CELF4: variants seen among roughly 807,000 people sequenced by gnomAD.
The protein encoded by CELF4 is CUG-BP- and ETR-3-like factor 4.
CELF4 carries 18 observed loss-of-function variants against 59.9 expected under a neutral mutation model. The observed-to-expected ratio is 0.30, with a 90% CI of 0.21 to 0.45. The LOEUF (loss-of-function observed/expected upper bound fraction) is 0.45, where lower values mean the gene tolerates loss of function less well. CELF4 is among the 20% of genes least tolerant of loss of function. The pLI, the probability that CELF4 is intolerant of heterozygous loss-of-function variation, is 1.00. For synonymous variants in CELF4, 261 were observed against 267.1 expected, an observed-to-expected ratio of 0.98 and a Z score of 0.22; for missense variants, 456 against 689.0, an observed-to-expected ratio of 0.66 and a Z score of 3.79.
intron 1 of CELF4, among the ~76,000 whole-genome samples, chr18:37,553,047 C>T (rs761969066): frequency 1.3e-5 from 2 of 152,266 alleles, no homozygotes; most frequent in Non-Finnish European, 2.9e-5. Context: ...TCCCAGGCTT[C>T]GCCGTTTGTT....
intron 2 of CELF4, among the ~76,000 whole-genome samples, chr18:37,466,678 C>A (rs1361103275): frequency 2.0e-5 from 3 of 152,240 alleles, no homozygotes; most frequent in Admixed American, 2.0e-4. Context: ...TAAGTAGGAC[C>A]CAGTCCCTGC....
chr18:37,306,069 A>T (rs564901901), intron 3 of CELF4: 1 of 152,404 alleles, frequency 6.6e-6, no homozygotes, highest in South Asian at 2.1e-4. Context: ...GGGAAGAGGC[A>T]TCAAAGCTCG....
intron 3 of CELF4, among the ~76,000 whole-genome samples, chr18:37,278,361 G>C (rs1466497135): frequency 2.6e-5 from 4 of 152,184 alleles, no homozygotes; most frequent in Non-Finnish European, 4.4e-5. Flanking sequence ...TCTGCTTCTA[G>C]GATCCTCAAA....
At chr18:37,435,968 G>A (rs541184485) in intron 2 of CELF4, among the ~76,000 whole-genome samples, 1 of 152,222 alleles carries the variant, frequency 6.6e-6, no homozygotes, top group South Asian at 2.1e-4. Context: ...CAGGTGGTGG[G>A]CACTCCAGGA....
At chr18:37,310,957 A>G (rs944489893) in intron 3 of CELF4, among the ~76,000 whole-genome samples, 1 of 152,192 alleles carries the variant, frequency 6.6e-6, no homozygotes, top group Non-Finnish European at 1.5e-5. Flanking sequence ...GGACACGAGA[A>G]GGCCGTGGTG....
intron 1 of CELF4, among the ~76,000 whole-genome samples, chr18:37,542,165 C>T (rs528355067): frequency 7.1e-4 from 108 of 152,156 alleles, no homozygotes; most frequent in East Asian, 1.2e-3. Context: ...CTCTTGTGTA[C>T]GAATTGCAAG....
chr18:37,304,597 G>A (rs2096278262), intron 3 of CELF4, among the ~76,000 whole-genome samples: 1 of 152,250 alleles, frequency 6.6e-6, no homozygotes, highest in South Asian at 2.1e-4. Context: ...TCAAGCCTTG[G>A]CCACTGCCAG....
intron 2 of CELF4, among the ~76,000 whole-genome samples, chr18:37,464,556 T>C (rs2099802685): frequency 6.6e-6 from 1 of 152,202 alleles, no homozygotes; most frequent in Non-Finnish European, 1.5e-5. Flanking sequence ...GACTCAGGAC[T>C]CTGCCTGGGG....
intron 2 of CELF4, among the ~76,000 whole-genome samples, chr18:37,333,900 C>G (rs568250295): frequency 3.3e-5 from 5 of 152,094 alleles, no homozygotes; most frequent in African/African-American, 7.2e-5. Flanking sequence ...ACATGAGTGT[C>G]TCTTCCCTGA....
intron 2 of CELF4, among the ~76,000 whole-genome samples, chr18:37,438,928 C>A (rs1488817701): frequency 6.6e-6 from 1 of 152,076 alleles, no homozygotes; most frequent in East Asian, 1.9e-4. Flanking sequence ...ACCAGATATT[C>A]AGAAAGATGG....
intron 3 of CELF4, among the ~76,000 whole-genome samples, chr18:37,287,420 A>T (rs908046400): frequency 2.6e-5 from 4 of 152,092 alleles, no homozygotes; most frequent in Non-Finnish European, 5.9e-5. Context: ...CATCCTTCCC[A>T]TTGCTCAGGA....
chr18:37,277,857 C>T (rs551743105), intron 3 of CELF4, among the ~76,000 whole-genome samples: 2 of 152,242 alleles, frequency 1.3e-5, no homozygotes, highest in East Asian at 3.9e-4. Flanking sequence ...CTGCTAATCC[C>T]TGGCCCTCTT....
At chr18:37,345,358 G>C (rs2098215113) in intron 2 of CELF4, among the ~76,000 whole-genome samples, 1 of 152,152 alleles carries the variant, frequency 6.6e-6, no homozygotes, top group African/African-American at 2.4e-5. Context: ...AGTGGAGAGA[G>C]GGGCAGGGAG....
intron 2 of CELF4, among the ~76,000 whole-genome samples, chr18:37,360,151 C>T (rs754419053): frequency 6.6e-6 from 1 of 152,198 alleles, no homozygotes; most frequent in African/African-American, 2.4e-5. Flanking sequence ...CCATGCCGGG[C>T]ATTTGTTGCC....
At chr18:37,405,843 C>T (rs951308356) in intron 2 of CELF4, among the ~76,000 whole-genome samples, 1 of 152,072 alleles carries the variant, frequency 6.6e-6, no homozygotes, top group African/African-American at 2.4e-5. Context: ...TCATTTCCAT[C>T]ACTTCAGGCC....
At chr18:37,348,153 C>T (rs1286274181) in intron 2 of CELF4, among the ~76,000 whole-genome samples, 1 of 152,168 alleles carries the variant, frequency 6.6e-6, no homozygotes, top group African/African-American at 2.4e-5. Flanking sequence ...CTCTCTTGCG[C>T]CTCCTTCTCT....
At chr18:37,524,519 G>A (rs963197904) in intron 1 of CELF4, among the ~76,000 whole-genome samples, 1 of 152,130 alleles carries the variant, frequency 6.6e-6, no homozygotes, top group African/African-American at 2.4e-5. Flanking sequence ...GACTTGACGC[G>A]CCCTAATCCC....
chr18:37,377,153 G>T (rs559484122), intron 2 of CELF4, among the ~76,000 whole-genome samples: 54 of 152,330 alleles, frequency 3.5e-4, no homozygotes, highest in African/African-American at 1.2e-3. Flanking sequence ...AAAAAAGGGA[G>T]AAGGGAGCGG....
intron 2 of CELF4, among the ~76,000 whole-genome samples, chr18:37,471,342 A>T (rs1363799925): frequency 6.6e-6 from 1 of 151,910 alleles, no homozygotes; most frequent in East Asian, 1.9e-4. Context: ...GGAGGTGGAC[A>T]CTCTCCTACT....
Sources: allele counts gnomAD v4.1 joint callset (sites outside exome capture counted in the v4.1 genomes callset), GRCh38; gene constraint gnomAD v4.1.1; transcripts MANE v1.5; gene names NCBI Gene and HGNC (gene_info 2026-07-23, HGNC 2026-07-21).